MVB12B: variants seen among roughly 807,000 people sequenced by gnomAD.
The protein encoded by MVB12B is multivesicular body subunit 12B, also known as ESCRT-I complex subunit MVB12B.
A neutral mutation model predicts 41.6 loss-of-function variants in MVB12B; 16 were observed. That is an observed-to-expected ratio of 0.38 (90% CI 0.26 to 0.58). The LOEUF (loss-of-function observed/expected upper bound fraction) is 0.58. MVB12B is among the 20% of genes least tolerant of loss of function. The probability of loss-of-function intolerance (pLI) is 0.62; values close to 1 mark genes in which losing one functional copy is unlikely to be tolerated. For missense variants in MVB12B, 274 were observed against 380.2 expected (o/e 0.72, Z 2.32); for synonymous variants, 133 against 139.7 (o/e 0.95, Z 0.34).
chr9:126,406,830 ATCT>A (rs1349048580), intron 6 of MVB12B, among the ~76,000 whole-genome samples: 2 of 150,338 alleles, frequency 1.3e-5, no homozygotes, highest in Non-Finnish European at 3.0e-5. Flanking sequence ...TCCTTTCTTC[ATCT>A]TTTTTTTTTT....
intron 7 of MVB12B, among the ~76,000 whole-genome samples, chr9:126,441,034 C>T (rs1832625708): frequency 2.6e-5 from 4 of 152,342 alleles, no homozygotes; most frequent in African/African-American, 9.6e-5. Context: ...CCAACTAGGC[C>T]TCGCTGGCTG....
In MVB12B at chr9:126,421,979, CAG is replaced by C. The variant is rs1172994050; in HGVS notation, c.757+34_757+35del. On this transcript the variant is annotated intron_variant, in intron 7 of 9. Transcript: ENST00000361171. The stretch of plus-strand genomic sequence containing the variant: ...TGGAGCCACCGCTGCAGGCCAGCTA[CAG>C]AGTCTGTGTCCCGGGCGCCACCTCC... 5 of 1,537,032 alleles carry C rather than the reference CAG, an allele frequency of 3.3e-6. No individual in the cohort carries two copies. The East Asian group carries it at 9.0e-5, about 28-fold the overall frequency.
At chr9:126,502,012 G>A (rs1833969931) in intron 9 of MVB12B, among the ~76,000 whole-genome samples, 1 of 152,168 alleles carries the variant, frequency 6.6e-6, no homozygotes, top group Admixed American at 6.5e-5. Context: ...CCAAGGAGCT[G>A]CAGCTCATGG....
chr9:126,490,346 G>A lies in MVB12B; in HGVS notation c.873+6314G>A, dbSNP rs540631535. Among the ~76,000 whole-genome samples the A allele has an allele frequency of 3.9e-5, 6 of 152,290 alleles. No individual in the cohort carries two copies. The East Asian group carries it at 1.2e-3, about 29-fold the overall frequency. The stretch of plus-strand genomic sequence containing the variant: ...ATCCCGGTCAGGAGGCAGCAGCCTT[G>A]GGTGTAGGTTTCATGCTGTGTGCTT... On this transcript the variant is annotated intron_variant, in intron 9 of 9. Coordinates refer to ENST00000361171, the MANE Select transcript of MVB12B (RefSeq NM_033446.3).
At chr9:126,403,511 T>C (rs1831326705) in intron 6 of MVB12B, among the ~76,000 whole-genome samples, 1 of 152,240 alleles carries the variant, frequency 6.6e-6, no homozygotes. Flanking sequence ...CATTGCTGCG[T>C]GTATTTCTGT....
chr9:126,348,712 G>A (rs1036279201), intron 2 of MVB12B, among the ~76,000 whole-genome samples: 6 of 152,082 alleles, frequency 3.9e-5, no homozygotes, highest in Non-Finnish European at 5.9e-5. Flanking sequence ...CGAGGCGCTT[G>A]CTTTAATTTT....
At chr9:126,469,761 T>C (rs1176594456) in intron 7 of MVB12B, among the ~76,000 whole-genome samples, 1 of 152,252 alleles carries the variant, frequency 6.6e-6, no homozygotes, top group African/African-American at 2.4e-5. Context: ...CGTTTGTCGC[T>C]GTGGGCAGCA....
chr9:126,390,951 CAAAAAA>C (rs1214109113), intron 4 of MVB12B, among the ~76,000 whole-genome samples: 1 of 76,620 alleles, frequency 1.3e-5, no homozygotes, highest in African/African-American at 4.7e-5. Flanking sequence ...GACTCCATCT[CAAAAAA>C]AAAAAAAAAA....
intron 2 of MVB12B, among the ~76,000 whole-genome samples, chr9:126,344,525 T>G (rs1829537250): frequency 6.6e-6 from 1 of 152,220 alleles, no homozygotes; most frequent in Non-Finnish European, 1.5e-5. Flanking sequence ...CCTTTTTTGT[T>G]GGTGACATCT....
At chr9:126,460,643 A>G (rs960819268) in intron 7 of MVB12B, among the ~76,000 whole-genome samples, 3 of 152,170 alleles carry the variant, frequency 2.0e-5, no homozygotes, top group African/African-American at 7.2e-5. Context: ...AGGGAGGGCC[A>G]AAGGGTGGAT....
rs1174803154 is a variant in MVB12B at position 126,503,563 on chromosome 9, C to G, written c.*300C>G. On this transcript the variant is annotated 3_prime_UTR_variant, in exon 10 of 10. Transcript: ENST00000361171. ...TGTCCTCCAAAAACCTCACTCACCA[C>G]GGAGTCACCCTGAGGGCCCCGGGCA... 6.8e-6 allele frequency: 3 copies of G among 439,878 alleles called. No homozygotes were observed. The highest frequency in any genetic ancestry group is 1.2e-5 in the Non-Finnish European group (3 of 245,064). 27.2% of individuals were successfully genotyped at this position (439,878 alleles called of 1,614,324 possible).
chr9:126,426,388 G>A (rs78748289), intron 7 of MVB12B, among the ~76,000 whole-genome samples: 7,997 of 152,080 alleles, frequency 0.053, 283 homozygotes, highest in Non-Finnish European at 0.083. Flanking sequence ...TTGGTTTTTC[G>A]AGCATGCCTT....
chr9:126,428,797 A>G (rs1832252610), intron 7 of MVB12B, among the ~76,000 whole-genome samples: 1 of 152,100 alleles, frequency 6.6e-6, no homozygotes, highest in African/African-American at 2.4e-5. Flanking sequence ...GATAACCACC[A>G]AGGAGGGAAA....
At chr9:126,420,008 T>C (rs1831956257) in intron 6 of MVB12B, among the ~76,000 whole-genome samples, 1 of 152,194 alleles carries the variant, frequency 6.6e-6, no homozygotes, top group South Asian at 2.1e-4. Context: ...TAGCTCTGCT[T>C]CCGACGTGTG....
At chr9:126,469,237 A>G (rs929537659) in intron 7 of MVB12B, among the ~76,000 whole-genome samples, 1 of 152,204 alleles carries the variant, frequency 6.6e-6, no homozygotes, top group African/African-American at 2.4e-5. Context: ...AGGTGAATGC[A>G]TGGGAGACAG....
chr9:126,487,743 G>A (rs1162206020), intron 9 of MVB12B, among the ~76,000 whole-genome samples: 1 of 149,260 alleles, frequency 6.7e-6, no homozygotes, highest in East Asian at 2.0e-4. Context: ...TTCCGGCCTG[G>A]GCCACAGGGC....
At chr9:126,348,344 G>T (rs1346897616) in intron 2 of MVB12B, among the ~76,000 whole-genome samples, 1 of 152,200 alleles carries the variant, frequency 6.6e-6, no homozygotes, top group Non-Finnish European at 1.5e-5. Context: ...AGGGAGCAGA[G>T]CTGTGGTCTG....
At chr9:126,479,914 C>T (rs541204213) in intron 7 of MVB12B, among the ~76,000 whole-genome samples, 1 of 152,164 alleles carries the variant, frequency 6.6e-6, no homozygotes, top group Non-Finnish European at 1.5e-5. Flanking sequence ...TGGGAGGATC[C>T]GTTCCAGGTT....
intron 8 of MVB12B, among the ~76,000 whole-genome samples, chr9:126,483,012 C>A (rs981846040): frequency 1.3e-5 from 2 of 152,252 alleles, no homozygotes; most frequent in African/African-American, 4.8e-5. Context: ...CCAGAGCTGG[C>A]CTCACAGGAA....
Sources: allele counts gnomAD v4.1 joint callset (sites outside exome capture counted in the v4.1 genomes callset), GRCh38; gene constraint gnomAD v4.1.1; transcripts MANE v1.5; gene names NCBI Gene and HGNC (gene_info 2026-07-23, HGNC 2026-07-21).